Variants in SLC24A4 observed in about 807,000 individuals in gnomAD.
SLC24A4 encodes the protein sodium/potassium/calcium exchanger 4.
A neutral mutation model predicts 79.0 loss-of-function variants in SLC24A4; 53 were observed. The ratio of observed to expected loss-of-function variants is 0.67; its 90% CI spans 0.54 to 0.84. The LOEUF is 0.84. Among genes scored for constraint, SLC24A4 ranks in the 40% least tolerant of loss-of-function variants. The pLI, the probability that SLC24A4 is intolerant of heterozygous loss-of-function variation, is 0.00. For synonymous variants in SLC24A4, 323 were observed against 323.8 expected (o/e 1.00, Z 0.03); for missense variants, 731 against 822.0 (o/e 0.89, Z 1.35).
chr14:92,495,764 AG>A lies in SLC24A4; in HGVS notation c.*2138del, dbSNP rs1228331690. Reference sequence around the variant, plus strand: ...CAAGCACCAGTCCATCACCCCTCCCAGGCCAGCCTCTGTAAGTTGGCCACAC... The same window carrying A: ...CAAGCACCAGTCCATCACCCCTCCCAGCCAGCCTCTGTAAGTTGGCCACAC... On this transcript the variant is annotated 3_prime_UTR_variant, in exon 17 of 17. Transcript: ENST00000532405. 1 of 152,288 alleles carries A rather than the reference AG, an allele frequency of 6.6e-6. No homozygotes were observed. The highest frequency in any genetic ancestry group is 1.5e-5 in the Non-Finnish European group (1 of 68,106). 9.4% of individuals were successfully genotyped at this position (152,288 alleles called of 1,614,324 possible).
intron 2 of SLC24A4, among the ~76,000 whole-genome samples, chr14:92,376,130 G>A (rs200364472): frequency 2.4e-5 from 2 of 82,214 alleles, no homozygotes; most frequent in Non-Finnish European, 4.6e-5. Flanking sequence ...GTGTTCCAAC[G>A]GCCATATGGT....
Position 92,443,482 on chromosome 14 carries a change from G to T in SLC24A4, c.657+8G>T. 4 of 1,614,064 alleles carry T rather than the reference G, an allele frequency of 2.5e-6. No individual in the cohort carries two copies. Among genetic ancestry groups the T allele is most frequent in the Non-Finnish European group, 2.5e-6 (3 of 1,179,954 alleles). ...GTCATCGTGCTCATCGTGGTGAGTT[G>T]CCCCTCTGCCCCCAAGGTCAGGTTG... is the stretch of plus-strand genomic sequence containing the variant. On this transcript the variant is annotated splice_region_variant and intron_variant, in intron 7 of 16. Transcript: ENST00000532405.
rs920252680 is a variant in SLC24A4 at position 92,456,689 on chromosome 14, G to A, written c.1255+81G>A. ...CCAAGCCCAGGTCTTCAGGATGGAG[G>A]CATGGACTTGTAAGGGCGGCAGAGG... On this transcript the variant is annotated intron_variant, in intron 12 of 16. Coordinates refer to ENST00000532405, the MANE Select transcript of SLC24A4 (RefSeq NM_153646.4). 84 of 1,407,160 alleles carry A rather than the reference G, an allele frequency of 6.0e-5. 1 individual carries two copies. Among genetic ancestry groups the A allele is most frequent in the Middle Eastern group, 4.9e-4 (2 of 4,074 alleles). The allele number at this position is 1,407,160 out of a possible 1,614,324, so 87.2% of individuals were successfully genotyped here.
chr14:92,434,025 G>A, intron 3 of SLC24A4, 37 bp downstream of exon 3: 1 of 1,525,482 alleles, frequency 6.6e-7, no homozygotes. Context: ...AAAACTTCTG[G>A]CACATGAAGC....
intron 2 of SLC24A4, among the ~76,000 whole-genome samples, chr14:92,339,202 G>A (rs1479495087): frequency 6.6e-6 from 1 of 152,184 alleles, no homozygotes; most frequent in Non-Finnish European, 1.5e-5. Context: ...TGACAGGATA[G>A]GAATCCACAA....
At chr14:92,351,521 T>C (rs1886868203) in intron 2 of SLC24A4, among the ~76,000 whole-genome samples, 1 of 152,226 alleles carries the variant, frequency 6.6e-6, no homozygotes, top group African/African-American at 2.4e-5. Context: ...GCAAGACACA[T>C]GCCTATTAGA....
intron 2 of SLC24A4, among the ~76,000 whole-genome samples, chr14:92,371,176 G>A (rs1272602097): frequency 6.6e-6 from 1 of 151,388 alleles, no homozygotes; most frequent in Non-Finnish European, 1.5e-5. Context: ...AAATTGGACT[G>A]TAAACATAAA....
intron 2 of SLC24A4, among the ~76,000 whole-genome samples, chr14:92,349,782 G>A (rs759055637): frequency 2.0e-5 from 3 of 152,218 alleles, no homozygotes; most frequent in Admixed American, 6.5e-5. Flanking sequence ...TGCCAGCAGT[G>A]TGGTTCAGTT....
intron 2 of SLC24A4, among the ~76,000 whole-genome samples, chr14:92,363,371 T>C (rs530951561): frequency 5.3e-4 from 81 of 152,352 alleles, no homozygotes; most frequent in African/African-American, 1.9e-3. Context: ...CTGTGTGCCA[T>C]GGTCCACTGG....
intron 2 of SLC24A4, among the ~76,000 whole-genome samples, chr14:92,409,937 G>A (rs1366382823): frequency 6.6e-6 from 1 of 152,076 alleles, no homozygotes; most frequent in African/African-American, 2.4e-5. Context: ...ATAAACTAAC[G>A]CAGGAACAGA....
intron 2 of SLC24A4, among the ~76,000 whole-genome samples, chr14:92,335,689 G>T (rs971908978): frequency 1.3e-5 from 2 of 152,178 alleles, no homozygotes; most frequent in African/African-American, 4.8e-5. Context: ...TGATAGATGT[G>T]TGATGTCCCC....
rs1892852783 is a variant in SLC24A4 at position 92,447,316 on chromosome 14, C to T, written c.684-55C>T. The T allele has an allele frequency of 3.2e-6, 5 of 1,551,966 alleles. No individual in the cohort carries two copies. The South Asian group carries it at 5.6e-5, about 17-fold the overall frequency. On this transcript the variant is annotated intron_variant, in intron 8 of 16. Coordinates refer to ENST00000532405, the MANE Select transcript of SLC24A4 (RefSeq NM_153646.4). ...CCACTTCTGGACCCCTCATTCCCAG[C>T]CTTCACCTGCCCCGGGCCCCGAGCT...
intron 2 of SLC24A4, among the ~76,000 whole-genome samples, chr14:92,384,891 A>C (rs61975638): frequency 0.067 from 10,184 of 152,290 alleles, 442 homozygotes; most frequent in Non-Finnish European, 0.085. Flanking sequence ...TACTACCTGA[A>C]TCTGAATTCT....
At chr14:92,449,017 C>T (rs1248643128) in intron 9 of SLC24A4, 57 bp from the exon 10 acceptor site, 8 of 1,599,868 alleles carry the variant, frequency 5.0e-6, no homozygotes, top group Non-Finnish European at 5.1e-6. Context: ...CCACCCGCTG[C>T]CCAGTTGGTG....
intron 12 of SLC24A4, among the ~76,000 whole-genome samples, chr14:92,463,955 T>G (rs541732761): frequency 6.6e-6 from 1 of 152,372 alleles, no homozygotes; most frequent in African/African-American, 2.4e-5. Flanking sequence ...TCAAGGTCCA[T>G]CCACGCTGTA....
At chr14:92,474,588 G>T (rs113295285) in intron 12 of SLC24A4, among the ~76,000 whole-genome samples, 1 of 151,170 alleles carries the variant, frequency 6.6e-6, no homozygotes, top group African/African-American at 2.4e-5. Flanking sequence ...GGATTCAAGC[G>T]ATTCTCCTGC....
chr14:92,379,658 C>T (rs908583021), intron 2 of SLC24A4, among the ~76,000 whole-genome samples: 1 of 152,156 alleles, frequency 6.6e-6, no homozygotes, highest in Non-Finnish European at 1.5e-5. Context: ...GAGGTGACTT[C>T]CGGGACACTG....
rs1895958135 is a variant in SLC24A4 at position 92,497,174 on chromosome 14, C to T, written c.*3546C>T. Reference sequence around the variant, plus strand: ...GTTTCTTGCTTTTGCCCCTGTCGGTCCCCTGCCTTAACAGACCTAAGCAGC... The same window carrying T: ...GTTTCTTGCTTTTGCCCCTGTCGGTTCCCTGCCTTAACAGACCTAAGCAGC... On this transcript the variant is annotated 3_prime_UTR_variant, in exon 17 of 17. Coordinates refer to ENST00000532405, the MANE Select transcript of SLC24A4 (RefSeq NM_153646.4). The T allele has an allele frequency of 6.6e-6, 1 of 152,304 alleles. No homozygotes were observed. The allele number at this position is 152,304 out of a possible 1,614,324, so 9.4% of individuals were successfully genotyped here. A position where few individuals can be genotyped will look rare whatever the true frequency, so the allele number is the denominator to read the frequency against.
intron 2 of SLC24A4, among the ~76,000 whole-genome samples, chr14:92,407,068 CT>C (rs1890428820): frequency 6.6e-6 from 1 of 152,216 alleles, no homozygotes; most frequent in African/African-American, 2.4e-5. Flanking sequence ...ATCTTGAACA[CT>C]TTGCTCTTAG....
Sources: gnomAD v4.1 joint callset for allele counts (sites outside exome capture counted in the v4.1 genomes callset) on GRCh38, gnomAD v4.1.1 for gene constraint, MANE v1.5 for transcripts, NCBI Gene and HGNC (gene_info 2026-07-23, HGNC 2026-07-21) for gene names.